The following COL4A1 variants were observed in gnomAD, a reference collection of about 807,000 sequenced individuals.
COL4A1 encodes collagen type IV alpha 1 chain, also known as collagen alpha-1(IV) chain.
A neutral mutation model predicts 216.6 loss-of-function variants in COL4A1; 40 were observed. The ratio of observed to expected loss-of-function variants is 0.18; its 90% CI spans 0.14 to 0.24. The LOEUF (loss-of-function observed/expected upper bound fraction) is 0.24. Ranked by LOEUF, COL4A1 falls within the 10% of genes least tolerant of loss-of-function variation. COL4A1 has a pLI of 1.00. For synonymous variants in COL4A1, 839 were observed against 810.7 expected (o/e 1.03, Z -0.59); for missense variants, 1,628 against 2,196.8 (o/e 0.74, Z 5.18).
At position 110,268,991 on chromosome 13, in the gene COL4A1, C is replaced by T. The variant is rs1883143876; in HGVS notation, c.85-26257G>A. ...CGCACCTCCACACGCCTTGCAGCAC[C>T]ACGGCCCACCTCTTGGCGCACGGAG... On this transcript the variant is annotated intron_variant, in intron 1 of 51. Transcript: ENST00000375820. The surrounding 1 kb of genome is among the most constrained non-coding windows in gnomAD (Gnocchi z 4.1). 6.6e-6 allele frequency among the ~76,000 whole-genome samples: 1 copy of T among 151,168 alleles called. No individual in the cohort carries two copies. The highest frequency in any genetic ancestry group is 2.1e-4 in the South Asian group (1 of 4,756).
chr13:110,205,255 C>G, intron 17 of COL4A1, 98 bp downstream of exon 17: 1 of 1,413,330 alleles, frequency 7.1e-7, no homozygotes, highest in South Asian at 1.2e-5. Flanking sequence ...GATTTTTTTC[C>G]CTTGAGTACA....
intron 2 of COL4A1, among the ~76,000 whole-genome samples, chr13:110,228,377 C>T (rs764275067): frequency 6.6e-6 from 1 of 152,144 alleles, no homozygotes; most frequent in East Asian, 1.9e-4. Context: ...CCGTGCAAGG[C>T]AAGTTTTTAA....
chr13:110,260,269 A>G lies in COL4A1; in HGVS notation c.85-17535T>C, dbSNP rs189675976. On this transcript the variant is annotated intron_variant, in intron 1 of 51. Transcript: ENST00000375820. ...CAGGCTAGAGAGCTTGAGCAGGGGAACTCCCATTTATAAAACCGTCGCAAC... is the reference window on the plus strand; with the variant it reads ...CAGGCTAGAGAGCTTGAGCAGGGGAGCTCCCATTTATAAAACCGTCGCAAC... Among the ~76,000 whole-genome samples the G allele has an allele frequency of 4.4e-4, 67 of 152,152 alleles. 1 individual carries two copies. The highest frequency in any genetic ancestry group is 1.5e-3 in the African/African-American group (63 of 41,516).
At chr13:110,267,336 C>T (rs377222852) in intron 1 of COL4A1, among the ~76,000 whole-genome samples, 1 of 152,150 alleles carries the variant, frequency 6.6e-6, no homozygotes, top group Non-Finnish European at 1.5e-5. Flanking sequence ...GGGAGAACGG[C>T]GGAAAGGATG....
At chr13:110,280,622 G>A (rs1056042023) in intron 1 of COL4A1, among the ~76,000 whole-genome samples, 5 of 152,220 alleles carry the variant, frequency 3.3e-5, no homozygotes, top group African/African-American at 9.6e-5. Context: ...GAAGACAGAG[G>A]ACAATCCCAC....
intron 2 of COL4A1, among the ~76,000 whole-genome samples, chr13:110,220,232 C>T: frequency 6.6e-6 from 1 of 152,014 alleles, no homozygotes; most frequent in East Asian, 1.9e-4. Flanking sequence ...GCTACTGCAC[C>T]CAGCCCAATA....
chr13:110,234,921 A>T (rs1008436692), intron 2 of COL4A1, among the ~76,000 whole-genome samples: 3 of 152,254 alleles, frequency 2.0e-5, no homozygotes, highest in African/African-American at 7.2e-5. Context: ...TCAAAAAATT[A>T]GTAATCTCAA....
intron 1 of COL4A1, among the ~76,000 whole-genome samples, chr13:110,278,056 G>A (rs1332583457): frequency 6.6e-6 from 1 of 152,110 alleles, no homozygotes; most frequent in Non-Finnish European, 1.5e-5. Flanking sequence ...CCCCTTCACT[G>A]AGAAGTACAT....
At chr13:110,204,954 G>A (rs1224093647) in intron 17 of COL4A1, among the ~76,000 whole-genome samples, 3 of 152,054 alleles carry the variant, frequency 2.0e-5, no homozygotes, top group African/African-American at 7.2e-5. Context: ...AAAGCAAGAT[G>A]TCTTGTTCAC....
intron 1 of COL4A1, among the ~76,000 whole-genome samples, chr13:110,290,882 C>T (rs1026818888): frequency 6.6e-6 from 1 of 152,240 alleles, no homozygotes; most frequent in African/African-American, 2.4e-5. Flanking sequence ...GGGCACTCTG[C>T]TACTCTCTTT....
chr13:110,169,497 AACAC>A lies in COL4A1; in HGVS notation c.3876+128_3876+131del, dbSNP rs3832901. 1.3e-3 allele frequency: 1,590 copies of A among 1,184,214 alleles called. 3 individuals carry two copies. In the East Asian group the frequency reaches 0.026, roughly 19 times the overall value. 73.4% of individuals were successfully genotyped at this position (1,184,214 alleles called of 1,614,324 possible). A position where few individuals can be genotyped will look rare whatever the true frequency, so the allele number is the denominator to read the frequency against. Reference sequence around the variant, plus strand: ...TGATTTAGTGGGGATGTGGGAGTGTAACACACACACACACACACACACACACACA... The same window carrying A: ...TGATTTAGTGGGGATGTGGGAGTGTAACACACACACACACACACACACACA... On this transcript the variant is annotated intron_variant, in intron 43 of 51. Coordinates refer to ENST00000375820, the MANE Select transcript of COL4A1 (RefSeq NM_001845.6).
chr13:110,164,058 C>T (rs760673738), intron 46 of COL4A1, among the ~76,000 whole-genome samples: 5 of 147,944 alleles, frequency 3.4e-5, no homozygotes, highest in African/African-American at 1.2e-4. Flanking sequence ...GTGTGACCAC[C>T]GCTCACTGCA....
chr13:110,296,803 C>G (rs964191852), intron 1 of COL4A1, among the ~76,000 whole-genome samples: 1 of 152,160 alleles, frequency 6.6e-6, no homozygotes, highest in Non-Finnish European at 1.5e-5. Flanking sequence ...TTCCATGAAC[C>G]CCTCCTGGGG....
chr13:110,184,262 T>C (rs1167406811), intron 26 of COL4A1, among the ~76,000 whole-genome samples: 1 of 152,196 alleles, frequency 6.6e-6, no homozygotes, highest in African/African-American at 2.4e-5. Flanking sequence ...CTAGGGTATA[T>C]TTGTGAGTAC....
intron 1 of COL4A1, among the ~76,000 whole-genome samples, chr13:110,243,474 C>T (rs1442471096): frequency 6.6e-6 from 1 of 152,152 alleles, no homozygotes; most frequent in Non-Finnish European, 1.5e-5. Flanking sequence ...TCCGCCACCA[C>T]ACCCAGCTAA....
chr13:110,250,418 C>A (rs936234248), intron 1 of COL4A1, among the ~76,000 whole-genome samples: 1 of 152,144 alleles, frequency 6.6e-6, no homozygotes, highest in African/African-American at 2.4e-5. Context: ...CTCTTAGGAA[C>A]AACATGTGAC....
chr13:110,182,593 C>G (rs1566356042), intron 28 of COL4A1, among the ~76,000 whole-genome samples: 1 of 152,214 alleles, frequency 6.6e-6, no homozygotes, highest in Non-Finnish European at 1.5e-5. Flanking sequence ...TAGGACTCCT[C>G]CCCTCGGAGC....
At chr13:110,171,585 C>G (rs76082025) in intron 41 of COL4A1, among the ~76,000 whole-genome samples, 2,128 of 152,232 alleles carry the variant, frequency 0.014, 56 homozygotes, top group African/African-American at 0.049. Flanking sequence ...TGCCAAAATT[C>G]TAAGGTTATT....
intron 29 of COL4A1, among the ~76,000 whole-genome samples, chr13:110,180,528 C>T (rs988439283): frequency 3.9e-5 from 6 of 152,254 alleles, no homozygotes; most frequent in African/African-American, 1.2e-4. Flanking sequence ...CAACGTTTAT[C>T]GATGGCCGTT....
Sources: gnomAD v4.1 joint callset for allele counts (sites outside exome capture counted in the v4.1 genomes callset) on GRCh38, gnomAD v4.1.1 for gene constraint, Gnocchi (gnomAD v3.1) non-coding constraint, MANE v1.5 for transcripts, NCBI Gene and HGNC (gene_info 2026-07-23, HGNC 2026-07-21) for gene names.